SYNPO: variants seen among roughly 807,000 people sequenced by gnomAD.
The protein encoded by SYNPO is synaptopodin.
In SYNPO, 19 loss-of-function variants were observed where a neutral mutation model predicts 49.5. The observed-to-expected ratio is 0.38, with a 90% CI of 0.27 to 0.56. The LOEUF is 0.56. SYNPO is among the 20% of genes least tolerant of loss of function. The pLI is 0.68. For missense variants in SYNPO, 1,131 were observed against 1,248.3 expected, an observed-to-expected ratio of 0.91 and a Z score of 1.42; for synonymous variants, 536 against 548.0, an observed-to-expected ratio of 0.98 and a Z score of 0.31.
chr5:150,599,389 G>A (rs1339906502), upstream of SYNPO, among the ~76,000 whole-genome samples: 4 of 152,218 alleles, frequency 2.6e-5, no homozygotes, highest in African/African-American at 9.6e-5. Context: ...CAGGGGCCAG[G>A]AAAGTGACTG....
At chr5:150,595,024 T>C in the SYNPO span, among the ~76,000 whole-genome samples, 1 of 152,176 alleles carries the variant, frequency 6.6e-6, no homozygotes, top group African/African-American at 2.4e-5. Context: ...TATATGGATT[T>C]CCATGTAGGA....
chr5:150,619,767 C>T (rs1394353383), intron 2 of SYNPO, among the ~76,000 whole-genome samples: 2 of 152,168 alleles, frequency 1.3e-5, no homozygotes, highest in East Asian at 3.9e-4. Context: ...CGTTGACGCC[C>T]GGCTGGCATC....
chr5:150,650,297 G>A lies in SYNPO; in HGVS notation c.2022G>A (p.Glu674=). 1 of 1,614,158 alleles carries A rather than the reference G, an allele frequency of 6.2e-7. No homozygotes were observed. The highest frequency in any genetic ancestry group is 8.5e-7 in the Non-Finnish European group (1 of 1,180,050). Residue 674 remains glutamate (E), a synonymous_variant, in exon 2 of 3, where the codon GAG becomes GAA. Coordinates refer to ENST00000307662, the MANE Select transcript of SYNPO (RefSeq NM_007286.6). ...PSFSTRNAGI[E]AQDRRESLPT... ...TCTCTACCCGGAACGCCGGGATCGA[G>A]GCTCAGGTGTGGAAGCCTTCCTTCT...
chr5:150,616,144 T>C (rs1756978525), intron 1 of SYNPO, among the ~76,000 whole-genome samples: 1 of 152,160 alleles, frequency 6.6e-6, no homozygotes, highest in Non-Finnish European at 1.5e-5. Context: ...GGTAATGCGC[T>C]TATCTCTCTG....
chr5:150,608,033 G>A (rs557459311), intron 1 of SYNPO, among the ~76,000 whole-genome samples: 4 of 152,222 alleles, frequency 2.6e-5, no homozygotes, highest in South Asian at 2.1e-4. Flanking sequence ...CATGTTGGAC[G>A]GCACAGTGCT....
upstream of SYNPO, among the ~76,000 whole-genome samples, chr5:150,635,995 T>G (rs1757703214): frequency 6.6e-6 from 1 of 152,226 alleles, no homozygotes; most frequent in African/African-American, 2.4e-5. Context: ...TCCTCACCCC[T>G]TACAGTCCAT....
rs758625709 is a variant in SYNPO, at chr5:150,648,344, G to A, written c.69G>A (p.Glu23=). The A allele has an allele frequency of 3.1e-6, 5 of 1,614,182 alleles. No homozygotes were observed. The South Asian group carries it at 5.5e-5, about 18-fold the overall frequency. The stretch of plus-strand genomic sequence containing the variant: ...AGAAGGTGGCCAGTGAGGAGGAAGA[G>A]GTACCACTGGTGGTTTATCTAAAGG... ...HLEKVASEEE[E]VPLVVYLKEN... is the part of the protein sequence containing the mutation. The change falls in exon 2 of 3, where the codon GAG becomes GAA. Residue 23 remains glutamate (E), a synonymous_variant. Transcript: ENST00000307662. The surrounding 1 kb of genome is among the most constrained non-coding windows in gnomAD (Gnocchi z 5.0).
upstream of SYNPO, among the ~76,000 whole-genome samples, chr5:150,600,277 G>T (rs189954012): frequency 1.3e-5 from 2 of 152,354 alleles, no homozygotes; most frequent in East Asian, 1.9e-4. Flanking sequence ...CCCTGCTGAC[G>T]TCACCCCTGG....
intron 1 of SYNPO, among the ~76,000 whole-genome samples, chr5:150,604,812 C>G (rs994304380): frequency 2.6e-5 from 4 of 152,164 alleles, no homozygotes; most frequent in Admixed American, 1.3e-4. Context: ...CTGCTGATAG[C>G]TCTGCTGGCT....
At chr5:150,641,045 C>A (rs546674270) in intron 1 of SYNPO, among the ~76,000 whole-genome samples, 191 bp downstream of exon 1, 10 of 152,300 alleles carry the variant, frequency 6.6e-5, no homozygotes, top group African/African-American at 2.4e-4. Flanking sequence ...TGTGTCTTCT[C>A]CCATGCCCGG....
At chr5:150,595,128 T>C in the SYNPO span, among the ~76,000 whole-genome samples, 1 of 152,210 alleles carries the variant, frequency 6.6e-6, no homozygotes, top group Admixed American at 6.5e-5. Context: ...CGGACCCTCT[T>C]CTGAGCTGCA....
chr5:150,595,148 G>A, the SYNPO span, among the ~76,000 whole-genome samples: 1 of 152,166 alleles, frequency 6.6e-6, no homozygotes, highest in African/African-American at 2.4e-5. Context: ...ACAGACTCTG[G>A]GTTGGGTAGC....
intron 2 of SYNPO, among the ~76,000 whole-genome samples, chr5:150,631,175 GCTAT>G (rs2151387465): frequency 6.6e-6 from 1 of 152,340 alleles, no homozygotes; most frequent in African/African-American, 2.4e-5. Context: ...TTCAGGCCCA[GCTAT>G]GGCCGAGGCA....
chr5:150,620,897 TTC>T (rs1192475811), intron 2 of SYNPO, among the ~76,000 whole-genome samples: 13 of 110,390 alleles, frequency 1.2e-4, no homozygotes, highest in Admixed American at 4.5e-4. Flanking sequence ...TTTTCTTTTT[TTC>T]TCTTTCTTTC....
intron 1 of SYNPO, among the ~76,000 whole-genome samples, chr5:150,643,823 G>A (rs577023249): frequency 4.2e-4 from 64 of 152,094 alleles, no homozygotes; most frequent in Admixed American, 1.7e-3. Context: ...GCGAGCCACC[G>A]CGCCCGGCTG....
At chr5:150,636,580 T>A (rs951643107), upstream of SYNPO, among the ~76,000 whole-genome samples, 1 of 152,244 alleles carries the variant, frequency 6.6e-6, no homozygotes, top group Non-Finnish European at 1.5e-5. Flanking sequence ...AGGGCAGGAC[T>A]GCATGATTCA....
At chr5:150,587,323 T>C in the SYNPO span, among the ~76,000 whole-genome samples, 1 of 152,120 alleles carries the variant, frequency 6.6e-6, no homozygotes, top group East Asian at 1.9e-4. Context: ...ATGTGAATGC[T>C]GCATGTAGGT....
At chr5:150,596,707 G>A (rs149379329), upstream of SYNPO, among the ~76,000 whole-genome samples, 1 of 152,218 alleles carries the variant, frequency 6.6e-6, no homozygotes, top group African/African-American at 2.4e-5. Context: ...CCTTCTTGAG[G>A]TCCCTGGGTC....
In SYNPO at chr5:150,656,625, C is replaced by G. The variant is rs1197784869; in HGVS notation, c.2250C>G (p.Ser750Arg). The G allele has an allele frequency of 3.3e-6, 5 of 1,511,424 alleles. No individual in the cohort carries two copies. Among genetic ancestry groups the G allele is most frequent in the Admixed American group, 4.1e-5 (2 of 49,062 alleles). 93.6% of individuals were successfully genotyped at this position (1,511,424 alleles called of 1,614,324 possible). A position where few individuals can be genotyped will look rare whatever the true frequency, so the allele number is the denominator to read the frequency against. Residue 750 changes from serine to arginine, a missense_variant, in exon 3 of 3, where the codon AGC becomes AGG. By Grantham distance (110) the Ser-to-Arg change is moderately radical (BLOSUM62 -1). Transcript: ENST00000307662. ...LRPETEARPP[S>R]RQLQALLARN... ...CTGAGACCGAGGCGCGGCCCCCCAG[C>G]CGCCAGCTGCAGGCGCTTCTGGCGC...
Sources: gnomAD v4.1 joint callset for allele counts (sites outside exome capture counted in the v4.1 genomes callset) on GRCh38, gnomAD v4.1.1 for gene constraint, Gnocchi (gnomAD v3.1) non-coding constraint, MANE v1.5 for transcripts, NCBI Gene and HGNC (gene_info 2026-07-23, HGNC 2026-07-21) for gene names.